The following ADCYAP1R1 variants were observed in gnomAD, a reference collection of about 807,000 sequenced individuals.
The protein encoded by ADCYAP1R1 is pituitary adenylate cyclase-activating polypeptide type I receptor.
Under a neutral mutation model 67.6 loss-of-function variants are expected in ADCYAP1R1, and 44 were observed. The observed-to-expected ratio is 0.65, with a 90% CI of 0.51 to 0.84. The LOEUF (loss-of-function observed/expected upper bound fraction) is 0.84. ADCYAP1R1 is among the 40% of genes least tolerant of loss of function. The probability of loss-of-function intolerance (pLI) is 0.00; values close to 1 mark genes in which losing one functional copy is unlikely to be tolerated. For synonymous variants in ADCYAP1R1, 222 were observed against 219.6 expected (o/e 1.01, Z -0.10); for missense variants, 477 against 587.9 (o/e 0.81, Z 1.95).
chr7:31,086,838 A>C lies in ADCYAP1R1; in HGVS notation c.824-105A>C. 4 of 1,244,206 alleles carry C rather than the reference A, an allele frequency of 3.2e-6. No homozygotes were observed. Among genetic ancestry groups the C allele is most frequent in the Non-Finnish European group, 4.7e-6 (4 of 849,532 alleles). The allele number at this position is 1,244,206 out of a possible 1,614,324, so 77.1% of individuals were successfully genotyped here. A position where few individuals can be genotyped will look rare whatever the true frequency, so the allele number is the denominator to read the frequency against. ...GACAGTTAGAATTCCCAGGAATTCC[A>C]AGTCTCATGGGGGAGCAATAGCCTC... On this transcript the variant is annotated intron_variant, in intron 10 of 15. Transcript: ENST00000304166. The surrounding 1 kb of genome is among the most constrained non-coding windows in gnomAD (Gnocchi z 5.0).
At chr7:31,080,291 G>A (rs1459716128) in intron 4 of ADCYAP1R1, among the ~76,000 whole-genome samples, 1 of 152,186 alleles carries the variant, frequency 6.6e-6, no homozygotes, top group Non-Finnish European at 1.5e-5. Context: ...AGGAGAGAAT[G>A]GGATTCCTGT....
At chr7:31,071,970 T>TCCA (rs1795004091) in intron 3 of ADCYAP1R1, among the ~76,000 whole-genome samples, 1 of 107,600 alleles carries the variant, frequency 9.3e-6, no homozygotes, top group Admixed American at 1.0e-4. Flanking sequence ...CATCCATCCA[T>TCCA]CCATCCATCC....
intron 1 of ADCYAP1R1, among the ~76,000 whole-genome samples, chr7:31,053,733 C>T (rs2128610631): frequency 6.6e-6 from 1 of 152,352 alleles, no homozygotes; most frequent in East Asian, 1.9e-4. Flanking sequence ...GCAAAGCCCC[C>T]CTGGCCCTCT....
At chr7:31,090,034 GTTTTC>G (rs888295290) in intron 12 of ADCYAP1R1, among the ~76,000 whole-genome samples, 5 of 151,718 alleles carry the variant, frequency 3.3e-5, no homozygotes, top group Admixed American at 3.3e-4. Flanking sequence ...AATCCTGAAG[GTTTTC>G]TTTTTTTTAT....
chr7:31,061,994 A>G (rs1302978829), intron 1 of ADCYAP1R1, among the ~76,000 whole-genome samples: 1 of 152,230 alleles, frequency 6.6e-6, no homozygotes, highest in East Asian at 1.9e-4. Flanking sequence ...ATTTTTAAAT[A>G]ACCATAACCA....
intron 13 of ADCYAP1R1, among the ~76,000 whole-genome samples, chr7:31,094,982 G>A (rs1286446995): frequency 2.6e-5 from 4 of 152,040 alleles, no homozygotes; most frequent in Non-Finnish European, 4.4e-5. Flanking sequence ...TGTGAGAGTG[G>A]GAGTGCCCAC....
At chr7:31,054,321 G>A (rs1313734486) in intron 1 of ADCYAP1R1, among the ~76,000 whole-genome samples, 1 of 152,148 alleles carries the variant, frequency 6.6e-6, no homozygotes, top group Admixed American at 6.5e-5. Context: ...GAGGGGAGGT[G>A]TCTGTGGGGA....
rs1279098049 is a variant in ADCYAP1R1 at position 31,095,821 on chromosome 7, GC to G, written c.1046+3088del. ...AGACCAAGACGGTATTCCTGGCCCAGCCTCAGAAGCACCTGATGGGGTCTGG... is the reference window on the plus strand; with the variant it reads ...AGACCAAGACGGTATTCCTGGCCCAGCTCAGAAGCACCTGATGGGGTCTGG... On this transcript the variant is annotated intron_variant, in intron 13 of 15. Coordinates refer to ENST00000304166, the MANE Select transcript of ADCYAP1R1 (RefSeq NM_001118.5). 7.2e-6 allele frequency: 5 copies of G among 698,954 alleles called. No individual in the cohort carries two copies. In the East Asian group the frequency reaches 1.3e-4, roughly 19 times the overall value. 43.3% of individuals were successfully genotyped at this position (698,954 alleles called of 1,614,324 possible). A position where few individuals can be genotyped will look rare whatever the true frequency, so the allele number is the denominator to read the frequency against.
At chr7:31,081,435 C>G (rs888152591) in intron 5 of ADCYAP1R1, among the ~76,000 whole-genome samples, 2 of 152,224 alleles carry the variant, frequency 1.3e-5, no homozygotes, top group Non-Finnish European at 2.9e-5. Context: ...CCCTCCCATC[C>G]TCCTGGCAGT....
intron 3 of ADCYAP1R1, among the ~76,000 whole-genome samples, chr7:31,071,978 TC>T: frequency 8.3e-6 from 1 of 120,296 alleles, no homozygotes; most frequent in Non-Finnish European, 1.7e-5. Flanking sequence ...CATCCATCCA[TC>T]CATCCATCCA....
chr7:31,104,856 C>T lies in ADCYAP1R1; in HGVS notation c.1177-12C>T, dbSNP rs767415095. 1 of 1,614,150 alleles carries T rather than the reference C, an allele frequency of 6.2e-7. No homozygotes were observed. The highest frequency in any genetic ancestry group is 1.1e-5 in the South Asian group (1 of 91,076). On this transcript the variant is annotated splice_polypyrimidine_tract_variant and intron_variant, in intron 14 of 15. Coordinates refer to ENST00000304166, the MANE Select transcript of ADCYAP1R1 (RefSeq NM_001118.5). ...TTGCTAGCATCCTCAGGCTTATTTT[C>T]TCTATTCCCAGGGCTTTGTGGTGGC...
Position 31,106,770 on chromosome 7 carries a change from C to T in ADCYAP1R1, c.*86C>T, listed in dbSNP as rs1796667375. The stretch of plus-strand genomic sequence containing the variant: ...GCCCACGCATGTTTGCGCCTCTTCC[C>T]TCCCCTTGGGCAGGCCCTGGGCTGG... On this transcript the variant is annotated 3_prime_UTR_variant, in exon 16 of 16. Transcript: ENST00000304166. 7.0e-7 allele frequency: 1 copy of T among 1,436,844 alleles called. No individual in the cohort carries two copies. The highest frequency in any genetic ancestry group is 9.2e-7 in the Non-Finnish European group (1 of 1,083,460). The allele number at this position is 1,436,844 out of a possible 1,614,324, so 89.0% of individuals were successfully genotyped here. A position where few individuals can be genotyped will look rare whatever the true frequency, so the allele number is the denominator to read the frequency against.
chr7:31,065,653 G>A (rs1036153573), intron 3 of ADCYAP1R1, among the ~76,000 whole-genome samples: 1 of 152,312 alleles, frequency 6.6e-6, no homozygotes, highest in African/African-American at 2.4e-5. Flanking sequence ...CCATTGTGCA[G>A]ATGGGAAGCT....
chr7:31,105,674 C>T (rs932113687), intron 15 of ADCYAP1R1, among the ~76,000 whole-genome samples: 3 of 152,182 alleles, frequency 2.0e-5, no homozygotes, highest in Non-Finnish European at 2.9e-5. Flanking sequence ...AGATTGGGCT[C>T]TGTGATCGCC....
At chr7:31,080,373 G>A (rs1336456931) in intron 4 of ADCYAP1R1, among the ~76,000 whole-genome samples, 1 of 152,176 alleles carries the variant, frequency 6.6e-6, no homozygotes, top group Non-Finnish European at 1.5e-5. Context: ...GACTGGAGAT[G>A]TGGGAGCACG....
chr7:31,106,877 A>G lies in ADCYAP1R1; in HGVS notation c.*193A>G. 1.5e-6 allele frequency: 1 copy of G among 666,904 alleles called. No individual in the cohort carries two copies. Among genetic ancestry groups the G allele is most frequent in the Non-Finnish European group, 2.4e-6 (1 of 414,492 alleles). The allele number at this position is 666,904 out of a possible 1,614,324, so 41.3% of individuals were successfully genotyped here. A position where few individuals can be genotyped will look rare whatever the true frequency, so the allele number is the denominator to read the frequency against. On this transcript the variant is annotated 3_prime_UTR_variant, in exon 16 of 16. Transcript: ENST00000304166. ...CCTTGTTTTGGTACTGGTCCCACCC[A>G]CTGTGGTCCCCTGGGCCCTGACCCC... is the stretch of plus-strand genomic sequence containing the variant.
intron 3 of ADCYAP1R1, among the ~76,000 whole-genome samples, chr7:31,070,345 C>G (rs1562633631): frequency 6.6e-6 from 1 of 152,160 alleles, no homozygotes; most frequent in African/African-American, 2.4e-5. Flanking sequence ...TCCCCACACT[C>G]TAGTGGAGGA....
At position 31,111,324 on chromosome 7, in the gene ADCYAP1R1, G is replaced by A. The variant is rs999999096; in HGVS notation, c.*4640G>A. On this transcript the variant is annotated 3_prime_UTR_variant, in exon 16 of 16. Transcript: ENST00000304166. ...TGCCTCACTTGTGGGAGCTGGACCAGCCTGGGTTTCATCTCCCACAGTAAA... is the reference window on the plus strand; with the variant it reads ...TGCCTCACTTGTGGGAGCTGGACCAACCTGGGTTTCATCTCCCACAGTAAA... 2.6e-5 allele frequency: 4 copies of A among 152,194 alleles called. No individual in the cohort carries two copies. Among genetic ancestry groups the A allele is most frequent in the Admixed American group, 2.6e-4 (4 of 15,278 alleles). The allele number at this position is 152,194 out of a possible 1,614,324, so 9.4% of individuals were successfully genotyped here.
At chr7:31,104,375 C>T (rs1285459040) in intron 14 of ADCYAP1R1, among the ~76,000 whole-genome samples, 2 of 152,232 alleles carry the variant, frequency 1.3e-5, no homozygotes, top group Admixed American at 6.5e-5. Context: ...AGTGCATACG[C>T]TGTGCCAAGT....
Sources: allele counts gnomAD v4.1 joint callset (sites outside exome capture counted in the v4.1 genomes callset), GRCh38; gene constraint gnomAD v4.1.1; non-coding constraint Gnocchi (gnomAD v3.1); transcripts MANE v1.5; gene names NCBI Gene and HGNC (gene_info 2026-07-23, HGNC 2026-07-21).